Variants in UNC5CL observed in about 807,000 individuals in gnomAD.
UNC5CL encodes the protein UNC5C-like protein.
Under a neutral mutation model 54.1 loss-of-function variants are expected in UNC5CL, and 42 were observed. The ratio of observed to expected loss-of-function variants is 0.78; its 90% CI spans 0.61 to 1.00. The LOEUF is 1.00. Ranked by LOEUF, UNC5CL falls within the 50% of genes least tolerant of loss-of-function variation. The probability of loss-of-function intolerance (pLI) is 0.00; values close to 1 mark genes in which losing one functional copy is unlikely to be tolerated. For synonymous variants in UNC5CL, 285 were observed against 285.1 expected, an observed-to-expected ratio of 1.00 and a Z score of 0.00; for missense variants, 619 against 675.6, an observed-to-expected ratio of 0.92 and a Z score of 0.93.
intron 5 of UNC5CL, 55 bp from the exon 6 acceptor site, chr6:41,031,803 G>T: frequency 1.3e-6 from 2 of 1,579,906 alleles, no homozygotes; most frequent in Non-Finnish European, 8.7e-7. Flanking sequence ...CCTGGGGTAA[G>T]AGCAGGAGAA....
chr6:41,037,859 A>G (rs533561874), intron 1 of UNC5CL, among the ~76,000 whole-genome samples: 12 of 152,342 alleles, frequency 7.9e-5, no homozygotes, highest in Admixed American at 3.3e-4. Flanking sequence ...TTATAATTCC[A>G]ACTGTAATAA....
At position 41,033,142 on chromosome 6, in the gene UNC5CL, A is replaced by G; in HGVS notation, c.691T>C (p.Tyr231His). 1 of 1,612,110 alleles carries G rather than the reference A, an allele frequency of 6.2e-7. No individual in the cohort carries two copies. Among genetic ancestry groups the G allele is most frequent in the South Asian group, 1.1e-5 (1 of 90,884 alleles). Residue 231 changes from tyrosine (Y) to histidine (H), a missense_variant, in exon 4 of 9, where the codon TAC becomes CAC. Tyr to His is a moderately conservative substitution (Grantham distance 83). Transcript: ENST00000244565. ...CRIHLSHFSL[Y>H]TCVLEAPVGR... Reference sequence around the variant, plus strand: ...ACAGGTGCCTCCAGCACACAGGTGTAGAGGCTGCAGAGGGAGCCAGTGGCA... The same window carrying G: ...ACAGGTGCCTCCAGCACACAGGTGTGGAGGCTGCAGAGGGAGCCAGTGGCA...
chr6:41,028,555 C>A lies in UNC5CL; in HGVS notation c.1375G>T (p.Glu459Ter), dbSNP rs763601715. 28 of 1,613,722 alleles carry A rather than the reference C, an allele frequency of 1.7e-5. No homozygotes were observed. Among genetic ancestry groups the A allele is most frequent in the Non-Finnish European group, 2.3e-5 (27 of 1,180,012 alleles). The change falls in exon 9 of 9, where the codon GAG becomes TAG. Residue 459 changes from glutamate to a stop codon, truncating the protein, a stop_gained. Transcript: ENST00000244565. LOFTEE classifies it high-confidence loss of function. This position sits in a 1 kb window ranked among gnomAD's most constrained non-coding sequence, Gnocchi z 4.3. ...CQRSPAAAIL[E>*]LFEEQNGSLQ... ...CTGCCGTTCTGCTCCTCAAACAACTCCAGGATGGCCGCTGCGGGGCTGCGC... is the reference window on the plus strand; with the variant it reads ...CTGCCGTTCTGCTCCTCAAACAACTACAGGATGGCCGCTGCGGGGCTGCGC...
In UNC5CL at chr6:41,029,817, C is replaced by G. The variant is rs1762432082; in HGVS notation, c.1334+571G>C. Among the ~76,000 whole-genome samples the G allele has an allele frequency of 6.6e-6, 1 of 152,144 alleles. No homozygotes were observed. The highest frequency in any genetic ancestry group is 2.4e-5 in the African/African-American group (1 of 41,436). Reference sequence around the variant, plus strand: ...CGCCATTGCACTCCAGCCTGGGCGACAGAGCAAGACTCCGTCTCAAATAAT... The same window carrying G: ...CGCCATTGCACTCCAGCCTGGGCGAGAGAGCAAGACTCCGTCTCAAATAAT... On this transcript the variant is annotated intron_variant, in intron 8 of 8. Coordinates refer to ENST00000244565, the MANE Select transcript of UNC5CL (RefSeq NM_173561.3). The surrounding 1 kb of genome is among the most constrained non-coding windows in gnomAD (Gnocchi z 4.1).
intron 5 of UNC5CL, 77 bp from the exon 6 acceptor site, chr6:41,031,825 C>T (rs1481773076): frequency 6.7e-7 from 1 of 1,484,486 alleles, no homozygotes; most frequent in Non-Finnish European, 9.4e-7. Context: ...GTAAGGGACT[C>T]TATAGTAAGA....
intron 6 of UNC5CL, 88 bp from the exon 7 acceptor site, chr6:41,030,843 G>T: frequency 8.3e-7 from 1 of 1,200,566 alleles, no homozygotes; most frequent in Non-Finnish European, 1.2e-6. Flanking sequence ...CATTCCTCAT[G>T]TCTCTCCTTC....
rs1762411110 is a variant in UNC5CL at position 41,028,257 on chromosome 6, C to T, written c.*116G>A. 1.7e-6 allele frequency: 2 copies of T among 1,176,998 alleles called. No homozygotes were observed. Among genetic ancestry groups the T allele is most frequent in the Non-Finnish European group, 1.2e-6 (1 of 865,002 alleles). The allele number at this position is 1,176,998 out of a possible 1,614,324, so 72.9% of individuals were successfully genotyped here. A position where few individuals can be genotyped will look rare whatever the true frequency, so the allele number is the denominator to read the frequency against. On this transcript the variant is annotated 3_prime_UTR_variant, in exon 9 of 9. Transcript: ENST00000244565. The surrounding 1 kb of genome is among the most constrained non-coding windows in gnomAD (Gnocchi z 4.3). The stretch of plus-strand genomic sequence containing the variant: ...GGACGCGGGCGGCCCTGGCACCGTC[C>T]GAGGGTTCTGGGAAGGGTGGTGGGC...
intron 3 of UNC5CL, chr6:41,033,585 G>C (rs1401443256): frequency 1.9e-6 from 1 of 536,774 alleles, no homozygotes; most frequent in Non-Finnish European, 3.3e-6. Context: ...TAATTTGAAA[G>C]ACAGAGAGAG....
rs1762461781 is a variant in UNC5CL, at chr6:41,032,096, G to A, written c.991C>T (p.His331Tyr). ...CACTTTCCATGCCAGATGTGGAGAT[G>A]GGGAACCAGCTGGCAACTGCTGTCA... ...VDDSSCQLVP[H>Y]LHIWHGKCPF... Residue 331 changes from histidine (H) to tyrosine (Y), a missense_variant, in exon 5 of 9, where the codon CAT becomes TAT. Transcript: ENST00000244565. The A allele has an allele frequency of 1.2e-6, 2 of 1,614,096 alleles. No homozygotes were observed. The highest frequency in any genetic ancestry group is 2.2e-5 in the East Asian group (1 of 44,892).
intron 3 of UNC5CL, chr6:41,033,580 T>TGAAAGACAGAGAGAGATGG: frequency 3.8e-6 from 2 of 524,274 alleles, no homozygotes; most frequent in Admixed American, 3.6e-5. Flanking sequence ...AGAGATAATT[T>TGAAAGACAGAGAGAGATGG]GAAAGACAGA....
rs1036555412 is a variant in UNC5CL, at chr6:41,028,666, C to T, written c.1335-71G>A. 1 of 1,456,526 alleles carries T rather than the reference C, an allele frequency of 6.9e-7. No homozygotes were observed. Among genetic ancestry groups the T allele is most frequent in the Non-Finnish European group, 9.4e-7 (1 of 1,065,204 alleles). 90.2% of individuals were successfully genotyped at this position (1,456,526 alleles called of 1,614,324 possible). On this transcript the variant is annotated intron_variant, in intron 8 of 8. Coordinates refer to ENST00000244565, the MANE Select transcript of UNC5CL (RefSeq NM_173561.3). This position sits in a 1 kb window ranked among gnomAD's most constrained non-coding sequence, Gnocchi z 4.3. ...GGGCTCCCCCCCTGCTGCAGGCTCCCTGGGCTGCGCAGCGCAAGGTCCGTC... is the reference window on the plus strand; with the variant it reads ...GGGCTCCCCCCCTGCTGCAGGCTCCTTGGGCTGCGCAGCGCAAGGTCCGTC...
intron 7 of UNC5CL, 39 bp downstream of exon 7, chr6:41,030,616 A>C (rs986050484): frequency 6.2e-7 from 1 of 1,612,408 alleles, no homozygotes; most frequent in African/African-American, 1.3e-5. Context: ...TAGGAACCCA[A>C]CATCCCCCAG....
At position 41,028,696 on chromosome 6, in the gene UNC5CL, C is replaced by A. The variant is rs1011705395; in HGVS notation, c.1335-101G>T. ...CTGCGCAGCGCAAGGTCCGTCCCTT[C>A]CCCATCCTGTAGCTTTTGTCCTTGT... On this transcript the variant is annotated intron_variant, in intron 8 of 8. Transcript: ENST00000244565. The surrounding 1 kb of genome is among the most constrained non-coding windows in gnomAD (Gnocchi z 4.3). 15 of 1,121,292 alleles carry A rather than the reference C, an allele frequency of 1.3e-5. No individual in the cohort carries two copies. The highest frequency in any genetic ancestry group is 1.9e-5 in the Non-Finnish European group (15 of 792,016). 69.5% of individuals were successfully genotyped at this position (1,121,292 alleles called of 1,614,324 possible).
intron 4 of UNC5CL, 53 bp from the exon 5 acceptor site, chr6:41,032,190 T>C: frequency 6.9e-7 from 1 of 1,453,650 alleles, no homozygotes; most frequent in East Asian, 2.3e-5. Flanking sequence ...CTTAAACAAG[T>C]ATTGAAGGGG....
intron 4 of UNC5CL, among the ~76,000 whole-genome samples, 186 bp downstream of exon 4, chr6:41,032,698 T>C (rs1028514908): frequency 1.3e-5 from 2 of 151,874 alleles, no homozygotes; most frequent in African/African-American, 4.8e-5. Flanking sequence ...GAGGCGGAGG[T>C]TGCTGTGAGC....
rs1185273113 is a variant in UNC5CL at position 41,027,339 on chromosome 6, GCA to G, written c.*1032_*1033del. The G allele has an allele frequency of 6.6e-6, 1 of 152,230 alleles. No homozygotes were observed. Among genetic ancestry groups the G allele is most frequent in the African/African-American group, 2.4e-5 (1 of 41,436 alleles). The allele number at this position is 152,230 out of a possible 1,614,324, so 9.4% of individuals were successfully genotyped here. Reference sequence around the variant, plus strand: ...AGAGAAAGAAACACACAAAGACAGGGCACAGAGACTAGGCAGAAACAAAAAGA... The same window carrying G: ...AGAGAAAGAAACACACAAAGACAGGGCAGAGACTAGGCAGAAACAAAAAGA... On this transcript the variant is annotated 3_prime_UTR_variant, in exon 9 of 9. Transcript: ENST00000244565.
intron 1 of UNC5CL, among the ~76,000 whole-genome samples, chr6:41,036,551 C>T (rs1257967932): frequency 1.3e-5 from 2 of 152,146 alleles, no homozygotes; most frequent in South Asian, 2.1e-4. Flanking sequence ...TTTTCTGAAG[C>T]TATTAAAAGT....
chr6:41,037,591 T>C lies in UNC5CL; in HGVS notation c.-62+1571A>G, dbSNP rs919014745. Among the ~76,000 whole-genome samples the C allele has an allele frequency of 2.0e-5, 3 of 152,338 alleles. No individual in the cohort carries two copies. In the East Asian group the frequency reaches 5.8e-4, roughly 29 times the overall value. The stretch of plus-strand genomic sequence containing the variant: ...CAGAACCTCCACTGTATCCTCAGGA[T>C]TGAAGACTGGGGCAGTACCTGTTTC... On this transcript the variant is annotated intron_variant, in intron 1 of 8. Coordinates refer to ENST00000244565, the MANE Select transcript of UNC5CL (RefSeq NM_173561.3).
At chr6:41,034,610 G>T in intron 2 of UNC5CL, 80 bp downstream of exon 2, 2 of 1,505,844 alleles carry the variant, frequency 1.3e-6, no homozygotes, top group South Asian at 2.5e-5. Flanking sequence ...AGGTGTCTAT[G>T]AACATTGCTC....
Sources: gnomAD v4.1 joint callset for allele counts (sites outside exome capture counted in the v4.1 genomes callset) on GRCh38, gnomAD v4.1.1 for gene constraint, Gnocchi (gnomAD v3.1) non-coding constraint, MANE v1.5 for transcripts, NCBI Gene and HGNC (gene_info 2026-07-23, HGNC 2026-07-21) for gene names.